Variants in NLGN1 observed in about 807,000 individuals in gnomAD.
NLGN1 encodes neuroligin 1.
Under a neutral mutation model 65.5 loss-of-function variants are expected in NLGN1, and 12 were observed. The observed-to-expected ratio is 0.18, with a 90% CI of 0.12 to 0.30. NLGN1 has a LOEUF of 0.30. NLGN1 is among the 10% of genes least tolerant of loss of function. The probability of loss-of-function intolerance (pLI) is 1.00; values close to 1 mark genes in which losing one functional copy is unlikely to be tolerated. For synonymous variants in NLGN1, 350 were observed against 359.5 expected, an observed-to-expected ratio of 0.97 and a Z score of 0.30; for missense variants, 750 against 1,007.1, an observed-to-expected ratio of 0.74 and a Z score of 3.46.
chr3:173,887,974 T>C (rs181744026), intron 4 of NLGN1, among the ~76,000 whole-genome samples: 5 of 152,178 alleles, frequency 3.3e-5, no homozygotes, highest in African/African-American at 1.2e-4. Context: ...TACTTCTAAC[T>C]GATCTTCTAA....
intron 4 of NLGN1, among the ~76,000 whole-genome samples, chr3:174,103,586 A>G (rs1713042408): frequency 6.6e-6 from 1 of 152,118 alleles, no homozygotes; most frequent in Non-Finnish European, 1.5e-5. Context: ...ATTATAATAT[A>G]GTAAAGTAAC....
chr3:173,918,660 ATGTGTGTG>A lies in NLGN1; in HGVS notation c.646+110864_646+110871del, dbSNP rs71162369. Reference sequence around the variant, plus strand: ...AAAAAAAAAAAAAAAAGAAATACATATGTGTGTGTGTGTGTGTGTGTGTGTGTGTGTGT... The same window carrying A: ...AAAAAAAAAAAAAAAAGAAATACATATGTGTGTGTGTGTGTGTGTGTGTGT... On this transcript the variant is annotated intron_variant, in intron 4 of 6. Coordinates refer to ENST00000457714, the Ensembl canonical transcript of NLGN1. Among the ~76,000 whole-genome samples the A allele has an allele frequency of 4.6e-3, 516 of 111,788 alleles. 3 individuals carry two copies. Among genetic ancestry groups the A allele is most frequent in the South Asian group, 0.024 (70 of 2,862 alleles). The allele number at this position is 111,788 out of a possible 152,430, so 73.3% of individuals were successfully genotyped here.
At chr3:173,722,481 G>A (rs1446810490) in intron 3 of NLGN1, among the ~76,000 whole-genome samples, 2 of 151,902 alleles carry the variant, frequency 1.3e-5, no homozygotes, top group Non-Finnish European at 2.9e-5. Context: ...ACCTCGTGAT[G>A]TGCCCGCCTT....
chr3:174,099,815 A>C (rs9829379), intron 4 of NLGN1, among the ~76,000 whole-genome samples: 3,447 of 152,286 alleles, frequency 0.023, 148 homozygotes, highest in African/African-American at 0.077. Flanking sequence ...CTTATATCTC[A>C]AAGAGAGATA....
chr3:173,764,037 G>GT (rs1183202214), intron 3 of NLGN1, among the ~76,000 whole-genome samples: 1 of 152,130 alleles, frequency 6.6e-6, no homozygotes, highest in African/African-American at 2.4e-5. Context: ...TTCATTTATG[G>GT]TTTTTTAAAC....
intron 4 of NLGN1, among the ~76,000 whole-genome samples, chr3:174,210,800 T>C (rs1241447358): frequency 2.0e-5 from 3 of 152,234 alleles, no homozygotes; most frequent in African/African-American, 7.2e-5. Context: ...ATCTTCTATA[T>C]GAGGGTGGTC....
intron 3 of NLGN1, among the ~76,000 whole-genome samples, chr3:173,614,795 T>C (rs1752816328): frequency 6.6e-6 from 1 of 152,146 alleles, no homozygotes; most frequent in Non-Finnish European, 1.5e-5. Context: ...AATGGAAAGA[T>C]TTCTTTCCTT....
chr3:173,632,272 T>C (rs556945058), intron 3 of NLGN1, among the ~76,000 whole-genome samples: 1 of 152,280 alleles, frequency 6.6e-6, no homozygotes, highest in African/African-American at 2.4e-5. Flanking sequence ...TTTTGTTAGA[T>C]ATTTTTGTTG....
chr3:173,498,558 G>C (rs373837878), intron 2 of NLGN1, among the ~76,000 whole-genome samples: 1 of 151,590 alleles, frequency 6.6e-6, no homozygotes, highest in African/African-American at 2.4e-5. Context: ...TAATCCTCTG[G>C]GTATATACCC....
chr3:173,787,562 T>C (rs535027786), intron 3 of NLGN1, among the ~76,000 whole-genome samples: 3 of 152,280 alleles, frequency 2.0e-5, no homozygotes, highest in African/African-American at 7.2e-5. Flanking sequence ...AGTAGCTTGA[T>C]TTGAGACATT....
intron 3 of NLGN1, among the ~76,000 whole-genome samples, chr3:173,787,941 G>A (rs980477622): frequency 6.6e-6 from 1 of 152,134 alleles, no homozygotes; most frequent in Non-Finnish European, 1.5e-5. Context: ...GAACATTGAA[G>A]CTGGTGAGTA....
intron 4 of NLGN1, among the ~76,000 whole-genome samples, chr3:174,067,872 G>T (rs921559844): frequency 5.9e-5 from 9 of 152,174 alleles, no homozygotes; most frequent in African/African-American, 1.9e-4. Context: ...CAAGTACAGA[G>T]AATTGTCTTG....
At chr3:173,702,508 A>C (rs1181566243) in intron 3 of NLGN1, among the ~76,000 whole-genome samples, 3 of 152,240 alleles carry the variant, frequency 2.0e-5, no homozygotes, top group Admixed American at 1.3e-4. Context: ...AGACTTTATC[A>C]TGTGCAAGGA....
chr3:173,678,638 A>G (rs1326798988), intron 3 of NLGN1, among the ~76,000 whole-genome samples: 2 of 152,134 alleles, frequency 1.3e-5, no homozygotes, highest in African/African-American at 4.8e-5. Context: ...AGCTGAAGAC[A>G]AGAGATCCTC....
intron 2 of NLGN1, among the ~76,000 whole-genome samples, chr3:173,482,893 T>C (rs1042225848): frequency 6.6e-6 from 1 of 152,024 alleles, no homozygotes. Context: ...ATTAGAAGGG[T>C]AACTTAGGAC....
intron 4 of NLGN1, among the ~76,000 whole-genome samples, chr3:173,932,350 A>T (rs1291780703): frequency 6.6e-6 from 1 of 152,098 alleles, no homozygotes; most frequent in Non-Finnish European, 1.5e-5. Flanking sequence ...CTCCTCTTTC[A>T]TATCGTGTTA....
intron 4 of NLGN1, among the ~76,000 whole-genome samples, chr3:174,117,577 C>A (rs891324241): frequency 6.6e-6 from 1 of 150,800 alleles, no homozygotes; most frequent in South Asian, 2.1e-4. Context: ...GCCGAGATCA[C>A]GCTACTGCAC....
intron 3 of NLGN1, among the ~76,000 whole-genome samples, chr3:173,709,710 G>A (rs1326150771): frequency 2.7e-5 from 4 of 149,306 alleles, no homozygotes; most frequent in African/African-American, 7.5e-5. Context: ...GGCTGAGGCA[G>A]GAGAATCACT....
intron 4 of NLGN1, among the ~76,000 whole-genome samples, chr3:174,258,548 C>A (rs555919004): frequency 6.6e-6 from 1 of 152,148 alleles, no homozygotes; most frequent in African/African-American, 2.4e-5. Flanking sequence ...GCAAAATTAC[C>A]ACCCTAACCA....
Sources: allele counts gnomAD v4.1 joint callset (sites outside exome capture counted in the v4.1 genomes callset), GRCh38; gene constraint gnomAD v4.1.1; transcripts MANE v1.5; gene names NCBI Gene and HGNC (gene_info 2026-07-23, HGNC 2026-07-21).